Variants in SPIDR observed in about 807,000 individuals in gnomAD.
SPIDR encodes scaffold protein involved in DNA repair, also known as DNA repair-scaffolding protein.
A neutral mutation model predicts 104.6 loss-of-function variants in SPIDR; 93 were observed. That is an observed-to-expected ratio of 0.89 (90% CI 0.75 to 1.06). The LOEUF is 1.06. Among genes scored for constraint, SPIDR ranks in the 50% least tolerant of loss-of-function variants. SPIDR has a pLI of 0.00. For synonymous variants in SPIDR, 431 were observed against 416.9 expected (o/e 1.03, Z -0.41); for missense variants, 1,154 against 1,111.2 (o/e 1.04, Z -0.55).
intron 8 of SPIDR, among the ~76,000 whole-genome samples, chr8:47,466,706 C>CAAAAAAAAAAAAAAAAAAAAA (rs78296344): frequency 7.4e-6 from 1 of 135,000 alleles, no homozygotes; most frequent in Admixed American, 7.4e-5. Context: ...ACGAAAAATA[C>CAAAAAAAAAAAAAAAAAAAAA]AAAAAAAAAA....
intron 8 of SPIDR, among the ~76,000 whole-genome samples, chr8:47,455,047 TAA>T (rs2072683380): frequency 2.0e-5 from 3 of 151,762 alleles, no homozygotes; most frequent in Non-Finnish European, 2.9e-5. Flanking sequence ...AAGAAAAAAA[TAA>T]AGAGTATTGG....
intron 8 of SPIDR, among the ~76,000 whole-genome samples, chr8:47,529,003 A>G (rs1447076091): frequency 6.6e-6 from 1 of 152,256 alleles, no homozygotes; most frequent in Non-Finnish European, 1.5e-5. Context: ...AAAATTACAG[A>G]CAAAGAAAAA....
intron 7 of SPIDR, chr8:47,419,094 C>G (rs1051325634): frequency 6.6e-6 from 1 of 152,104 alleles, no homozygotes; most frequent in Non-Finnish European, 1.5e-5. Flanking sequence ...TTGGTTGTGT[C>G]TCTGCCAGGC....
At chr8:47,515,385 G>A (rs147602205) in intron 8 of SPIDR, among the ~76,000 whole-genome samples, 1 of 152,298 alleles carries the variant, frequency 6.6e-6, no homozygotes, top group African/African-American at 2.4e-5. Flanking sequence ...ACATCTGCCT[G>A]ATAATTCTGT....
chr8:47,487,713 A>G lies in SPIDR; in HGVS notation c.1097+47171A>G, dbSNP rs574015253. ...AGGATTAAGAAACTCACTCAAAACC[A>G]CTCAACTACATGGAAACTGCACAAC... is the stretch of plus-strand genomic sequence containing the variant. On this transcript the variant is annotated intron_variant, in intron 8 of 19. Transcript: ENST00000297423. Among the ~76,000 whole-genome samples, 209 of 152,200 alleles carry G rather than the reference A, an allele frequency of 1.4e-3. 2 individuals are homozygous for G. The highest frequency in any genetic ancestry group is 0.01 in the Admixed American group (155 of 15,280).
chr8:47,389,348 C>A (rs543550488), intron 5 of SPIDR, among the ~76,000 whole-genome samples: 7 of 152,208 alleles, frequency 4.6e-5, no homozygotes, highest in Middle Eastern at 3.4e-3. Flanking sequence ...TCTTGAAATT[C>A]ATCATTTGCG....
intron 10 of SPIDR, chr8:47,660,611 G>C (rs528737696): frequency 7.3e-6 from 5 of 683,336 alleles, no homozygotes; most frequent in Admixed American, 6.3e-5. Context: ...CTAGGGGCAG[G>C]GACCCGCTGT....
chr8:47,272,678 G>A (rs1383898281), intron 1 of SPIDR, among the ~76,000 whole-genome samples: 1 of 152,128 alleles, frequency 6.6e-6, no homozygotes, highest in Non-Finnish European at 1.5e-5. Context: ...TCCTGGGCAC[G>A]TGCGTAGTGA....
At chr8:47,388,860 A>G (rs1451676097) in intron 5 of SPIDR, among the ~76,000 whole-genome samples, 1 of 152,208 alleles carries the variant, frequency 6.6e-6, no homozygotes, top group African/African-American at 2.4e-5. Flanking sequence ...TGAATACTTT[A>G]TGGTTTTGAG....
At position 47,718,420 on chromosome 8, in the gene SPIDR, G is replaced by A. The variant is rs960898738; in HGVS notation, c.2341+4779G>A. 4.0e-5 allele frequency among the ~76,000 whole-genome samples: 6 copies of A among 151,636 alleles called. 1 individual carries two copies. The South Asian group carries it at 8.3e-4, about 21-fold the overall frequency. The stretch of plus-strand genomic sequence containing the variant: ...CATTTTACAAATTGGTGGGATCAAC[G>A]TTTCTGACTAAGCCAGTTGTATTTA... On this transcript the variant is annotated intron_variant, in intron 16 of 19. Coordinates refer to ENST00000297423, the MANE Select transcript of SPIDR (RefSeq NM_001080394.4).
At chr8:47,408,060 A>T (rs932545666) in intron 7 of SPIDR, 99 bp downstream of exon 7, 1 of 603,012 alleles carries the variant, frequency 1.7e-6, no homozygotes, top group Non-Finnish European at 2.7e-6. Flanking sequence ...TAATATTTTC[A>T]TGACTTTTTA....
At chr8:47,570,599 C>CT (rs2058394783) in intron 8 of SPIDR, among the ~76,000 whole-genome samples, 1 of 152,044 alleles carries the variant, frequency 6.6e-6, no homozygotes, top group African/African-American at 2.4e-5. Context: ...TCAAAAGACA[C>CT]TATCAAGAAA....
intron 10 of SPIDR, among the ~76,000 whole-genome samples, chr8:47,603,349 T>C (rs1236883911): frequency 6.6e-6 from 1 of 152,104 alleles, no homozygotes; most frequent in Non-Finnish European, 1.5e-5. Flanking sequence ...TCTAAAACAT[T>C]CTCTTCCTTT....
chr8:47,400,277 C>G (rs540527468), intron 6 of SPIDR, among the ~76,000 whole-genome samples: 233 of 152,292 alleles, frequency 1.5e-3, no homozygotes, highest in African/African-American at 5.3e-3. Flanking sequence ...AGGGGACGTT[C>G]CTAGAAGTGG....
intron 5 of SPIDR, among the ~76,000 whole-genome samples, chr8:47,372,129 T>C (rs1252052829): frequency 5.3e-5 from 8 of 152,200 alleles, no homozygotes; most frequent in African/African-American, 1.9e-4. Flanking sequence ...GTCCCTGATC[T>C]ATTACAGCAC....
At chr8:47,554,612 T>C (rs1042438322) in intron 8 of SPIDR, among the ~76,000 whole-genome samples, 1 of 152,290 alleles carries the variant, frequency 6.6e-6, no homozygotes, top group African/African-American at 2.4e-5. Flanking sequence ...AGTGCAGTAT[T>C]AGGGTGGTAG....
At chr8:47,590,575 G>A (rs2060887246) in intron 8 of SPIDR, among the ~76,000 whole-genome samples, 3 of 152,026 alleles carry the variant, frequency 2.0e-5, no homozygotes, top group African/African-American at 7.2e-5. Context: ...GTTTATATGT[G>A]TCTTATGGCA....
At chr8:47,322,280 T>C (rs1217412778) in intron 5 of SPIDR, among the ~76,000 whole-genome samples, 2 of 152,322 alleles carry the variant, frequency 1.3e-5, no homozygotes, top group Admixed American at 6.5e-5. Flanking sequence ...GGTCGAAGGA[T>C]ATGAGCAGAC....
intron 11 of SPIDR, among the ~76,000 whole-genome samples, chr8:47,691,322 AAAAG>A (rs2078622827): frequency 6.6e-6 from 1 of 152,026 alleles, no homozygotes; most frequent in Admixed American, 6.5e-5. Flanking sequence ...AGAGAAAAGA[AAAAG>A]AAAAATATCT....
Sources: allele counts gnomAD v4.1 joint callset (sites outside exome capture counted in the v4.1 genomes callset), GRCh38; gene constraint gnomAD v4.1.1; transcripts MANE v1.5; gene names NCBI Gene and HGNC (gene_info 2026-07-23, HGNC 2026-07-21).